CCDC191: variants seen among roughly 807,000 people sequenced by gnomAD.
CCDC191 encodes coiled-coil domain-containing protein 191.
CCDC191 carries 99 observed loss-of-function variants against 114.0 expected under a neutral mutation model. The ratio of observed to expected loss-of-function variants is 0.87; its 90% CI spans 0.74 to 1.03. The LOEUF (loss-of-function observed/expected upper bound fraction) is 1.03. Ranked by LOEUF, CCDC191 falls within the 50% of genes least tolerant of loss-of-function variation. CCDC191 has a pLI of 0.00. For missense variants in CCDC191, 973 were observed against 1,087.0 expected, an observed-to-expected ratio of 0.90 and a Z score of 1.47; for synonymous variants, 351 against 376.0, an observed-to-expected ratio of 0.93 and a Z score of 0.77.
chr3:113,966,836 C>T (rs1468490891), intron 16 of CCDC191, among the ~76,000 whole-genome samples: 2 of 152,216 alleles, frequency 1.3e-5, no homozygotes, highest in African/African-American at 2.4e-5. Context: ...CGGTGGGTCA[C>T]ACCTGTAATC....
intron 16 of CCDC191, among the ~76,000 whole-genome samples, chr3:113,966,482 G>A (rs1273710710): frequency 2.0e-5 from 3 of 152,178 alleles, no homozygotes; most frequent in Non-Finnish European, 4.4e-5. Flanking sequence ...CAGTCTGGTG[G>A]TGAGGAGCAG....
intron 12 of CCDC191, 121 bp from the exon 13 acceptor site, chr3:114,001,817 C>T: frequency 8.1e-7 from 1 of 1,227,302 alleles, no homozygotes; most frequent in South Asian, 1.5e-5. Context: ...AAGAAGTCTG[C>T]ATTTTGTGAT....
chr3:113,983,587 A>G (rs1365402105), intron 13 of CCDC191, among the ~76,000 whole-genome samples: 1 of 151,938 alleles, frequency 6.6e-6, no homozygotes, highest in Non-Finnish European at 1.5e-5. Flanking sequence ...CTCTCTCCCT[A>G]CTTCTTTAGT....
chr3:114,048,929 C>T (rs949702906), intron 2 of CCDC191, among the ~76,000 whole-genome samples: 2 of 152,144 alleles, frequency 1.3e-5, no homozygotes, highest in Admixed American at 6.5e-5. Flanking sequence ...CTGTACTTTC[C>T]GATATTTATA....
rs35546981 is a variant in CCDC191 at position 113,980,752 on chromosome 3, C to G, written c.2205G>C (p.Gln735His). 4.8e-4 allele frequency: 779 copies of G among 1,610,558 alleles called. 7 individuals are homozygous for G. The African/African-American group carries it at 8.9e-3, about 18-fold the overall frequency. Residue 735 changes from glutamine to histidine, a missense_variant, in exon 14 of 17, where the codon CAG (glutamine) becomes CAC (histidine). Coordinates refer to ENST00000295878, the MANE Select transcript of CCDC191 (RefSeq NM_020817.2). ...EKQKRIKRNQ[Q>H]LEAIAKEHYE... The stretch of plus-strand genomic sequence containing the variant: ...AATGTTCTTTGGCTATTGCTTCCAG[C>G]TGCTGGTTCCTCTTAATTCTCTTCT...
intron 9 of CCDC191, among the ~76,000 whole-genome samples, chr3:114,008,314 TA>T (rs2076008927): frequency 6.6e-6 from 1 of 151,680 alleles, no homozygotes; most frequent in African/African-American, 2.4e-5. Context: ...ATACATTGCC[TA>T]GGGGAAGGGA....
At position 113,986,458 on chromosome 3, in the gene CCDC191, T is replaced by C. The variant is rs1481960321; in HGVS notation, c.2164-5665A>G. On this transcript the variant is annotated intron_variant, in intron 13 of 16. Transcript: ENST00000295878. ...AAATCAGTAACAAAACACAAAATCA[T>C]ATATCCAAGAAGCTTAAGACCACCA... Among the ~76,000 whole-genome samples, 5 of 152,160 alleles carry C rather than the reference T, an allele frequency of 3.3e-5. No homozygotes were observed. The East Asian group carries it at 9.7e-4, about 29-fold the overall frequency.
chr3:114,043,848 T>C (rs943140256), intron 3 of CCDC191, among the ~76,000 whole-genome samples: 1 of 151,852 alleles, frequency 6.6e-6, no homozygotes, highest in African/African-American at 2.4e-5. Flanking sequence ...TGAGGTGGAG[T>C]TGACATGACT....
intron 5 of CCDC191, 120 bp from the exon 6 acceptor site, chr3:114,035,268 T>C: frequency 1.5e-6 from 1 of 674,448 alleles, no homozygotes; most frequent in Non-Finnish European, 2.5e-6. Context: ...GGCCCAGAAC[T>C]CCACTGTTTA....
At position 114,010,764 on chromosome 3, in the gene CCDC191, C is replaced by T; in HGVS notation, c.1413+8G>A. The stretch of plus-strand genomic sequence containing the variant: ...GCAAGTGTTTACTAAGCAGGAAAAA[C>T]AACGTACCTGTCCATTTTTTACTGG... On this transcript the variant is annotated splice_region_variant and intron_variant, in intron 9 of 16. Coordinates refer to ENST00000295878, the MANE Select transcript of CCDC191 (RefSeq NM_020817.2). The T allele has an allele frequency of 6.3e-7, 1 of 1,598,140 alleles. No individual in the cohort carries two copies. Among genetic ancestry groups the T allele is most frequent in the African/African-American group, 1.3e-5 (1 of 74,478 alleles).
At chr3:114,041,718 T>C (rs138814761) in intron 4 of CCDC191, among the ~76,000 whole-genome samples, 40 of 152,296 alleles carry the variant, frequency 2.6e-4, no homozygotes, top group Non-Finnish European at 3.8e-4. Context: ...AGGAGAATGA[T>C]GTCAGGTGAA....
At chr3:114,019,751 T>C (rs532010155) in intron 7 of CCDC191, among the ~76,000 whole-genome samples, 3 of 152,304 alleles carry the variant, frequency 2.0e-5, no homozygotes, top group South Asian at 2.1e-4. Flanking sequence ...ACCAACCTAA[T>C]ATTAATTTCT....
At chr3:114,038,681 G>A (rs908006605) in intron 4 of CCDC191, among the ~76,000 whole-genome samples, 7 of 152,096 alleles carry the variant, frequency 4.6e-5, no homozygotes, top group South Asian at 2.1e-4. Context: ...CTTCTAGATC[G>A]TTGAGGAATA....
chr3:114,014,065 T>TG (rs1184069571), intron 8 of CCDC191, among the ~76,000 whole-genome samples: 1 of 152,198 alleles, frequency 6.6e-6, no homozygotes, highest in Non-Finnish European at 1.5e-5. Context: ...CAAAGTGTCT[T>TG]GAACGTTTTA....
At chr3:114,001,302 C>T (rs747945983) in intron 13 of CCDC191, among the ~76,000 whole-genome samples, 1 of 152,036 alleles carries the variant, frequency 6.6e-6, no homozygotes, top group Admixed American at 6.6e-5. Context: ...TGATAACTGT[C>T]AATAATGTTC....
intron 16 of CCDC191, among the ~76,000 whole-genome samples, chr3:113,976,556 G>T (rs1318038141): frequency 2.0e-5 from 3 of 151,590 alleles, no homozygotes; most frequent in African/African-American, 7.3e-5. Context: ...CTCTCAGCCT[G>T]TATATAGTGG....
At chr3:113,979,587 A>G (rs902210269) in intron 14 of CCDC191, among the ~76,000 whole-genome samples, 2 of 152,222 alleles carry the variant, frequency 1.3e-5, no homozygotes, top group Non-Finnish European at 2.9e-5. Flanking sequence ...TAGATTTTTA[A>G]AAGTAACTGT....
In CCDC191 at chr3:114,014,975, T is replaced by C. The variant is rs140064803; in HGVS notation, c.1163+3703A>G. Among the ~76,000 whole-genome samples, 26 of 152,136 alleles carry C rather than the reference T, an allele frequency of 1.7e-4. No homozygotes were observed. In the East Asian group the frequency reaches 4.8e-3, roughly 28 times the overall value. ...GGATCTAGTATACAGTAAACATCAG[T>C]AAAGCTGGTTGACTGAATGAATTTA... On this transcript the variant is annotated intron_variant, in intron 8 of 16. Coordinates refer to ENST00000295878, the MANE Select transcript of CCDC191 (RefSeq NM_020817.2).
At chr3:114,047,191 T>C (rs563303704) in intron 2 of CCDC191, 1 of 794,624 alleles carries the variant, frequency 1.3e-6, no homozygotes, top group South Asian at 5.7e-5. Context: ...TAGGCAATCA[T>C]ATATTAGGTT....
Sources: gnomAD v4.1 joint callset for allele counts (sites outside exome capture counted in the v4.1 genomes callset) on GRCh38, gnomAD v4.1.1 for gene constraint, MANE v1.5 for transcripts, NCBI Gene and HGNC (gene_info 2026-07-23, HGNC 2026-07-21) for gene names.